DMD: variants seen among roughly 807,000 people sequenced by gnomAD.
DMD encodes mutant dystrophin.
DMD carries 63 observed loss-of-function variants against 330.1 expected under a neutral mutation model. The observed-to-expected ratio is 0.19, with a 90% CI of 0.16 to 0.24. DMD has a LOEUF of 0.24. DMD is among the 10% of genes least tolerant of loss of function. The pLI is 1.00. For missense variants in DMD, 3,344 were observed against 2,684.1 expected, an observed-to-expected ratio of 1.25 and a Z score of -5.43; for synonymous variants, 1,223 against 959.8, an observed-to-expected ratio of 1.27 and a Z score of -5.07.
chrX:33,039,636 T>C (rs1045815116), intron 1 of DMD, among the ~76,000 whole-genome samples: 2 of 111,741 alleles, frequency 1.8e-5, no homozygotes, highest in African/African-American at 6.5e-5. Context: ...TTAAATTCAA[T>C]TTTTAAAATA....
intron 49 of DMD, among the ~76,000 whole-genome samples, chrX:31,833,343 G>GAA (rs1741588695): frequency 1.4e-5 from 1 of 74,024 alleles, no homozygotes; most frequent in African/African-American, 5.4e-5. Flanking sequence ...GGAGAGAGTG[G>GAA]AGAGGGAGGG....
At chrX:33,229,318 T>C (rs1198331948) in intron 1 of DMD, among the ~76,000 whole-genome samples, 1 of 111,514 alleles carries the variant, frequency 9.0e-6, no homozygotes, top group Admixed American at 9.6e-5. Flanking sequence ...TTTTCTAAAA[T>C]ATTTGTAGTT....
At chrX:33,196,497 C>G (rs940159327) in intron 1 of DMD, among the ~76,000 whole-genome samples, 1 of 111,526 alleles carries the variant, frequency 9.0e-6, no homozygotes, top group Non-Finnish European at 1.9e-5. Flanking sequence ...AGATTGAAAG[C>G]AAGGAGATCA....
intron 54 of DMD, among the ~76,000 whole-genome samples, chrX:31,657,605 T>G (rs1214910055): frequency 8.9e-6 from 1 of 111,847 alleles, no homozygotes; most frequent in Non-Finnish European, 1.9e-5. Flanking sequence ...CAGCTATAAC[T>G]CTATCATGAA....
At chrX:31,178,908 A>G (rs2040847908) in intron 69 of DMD, 103 bp from the exon 70 acceptor site, 5 of 1,017,422 alleles carry the variant, frequency 4.9e-6, no homozygotes, top group African/African-American at 1.9e-5. Flanking sequence ...GTAATTAAGG[A>G]GAGTGTTGTG....
intron 1 of DMD, among the ~76,000 whole-genome samples, chrX:33,223,019 A>G (rs2052211492): frequency 8.9e-6 from 1 of 112,265 alleles, no homozygotes; most frequent in African/African-American, 3.2e-5. Flanking sequence ...AGCCAAAACA[A>G]CATTGAAGGG....
chrX:33,167,262 T>A (rs2049103949), intron 1 of DMD, among the ~76,000 whole-genome samples: 1 of 111,515 alleles, frequency 9.0e-6, no homozygotes, highest in African/African-American at 3.2e-5. Flanking sequence ...TTTATGCATT[T>A]TAATGTAGGT....
chrX:31,725,962 A>G (rs1011116651), intron 52 of DMD, among the ~76,000 whole-genome samples: 3 of 112,596 alleles, frequency 2.7e-5, no homozygotes, highest in East Asian at 2.8e-4. Context: ...CCTCCAAGGA[A>G]GAAAATTTAA....
chrX:32,971,549 T>G (rs957924722), intron 2 of DMD, among the ~76,000 whole-genome samples: 1 of 111,594 alleles, frequency 9.0e-6, no homozygotes, highest in Admixed American at 9.6e-5. Context: ...TACTCAGTGT[T>G]AGTTCTTAAT....
upstream of DMD, among the ~76,000 whole-genome samples, chrX:33,214,506 CT>C (rs1371372601): frequency 3.6e-5 from 4 of 111,399 alleles, no homozygotes; most frequent in Non-Finnish European, 7.5e-5. Context: ...TCATACTCGG[CT>C]TTTTTACACA....
At chrX:33,285,745 T>C (rs1290063851) in intron 1 of DMD, among the ~76,000 whole-genome samples, 48 of 112,014 alleles carry the variant, frequency 4.3e-4, no homozygotes. Flanking sequence ...CCTAAAATAC[T>C]TTACCTGAGA....
chrX:33,122,714 C>T (rs2095432492), intron 1 of DMD, among the ~76,000 whole-genome samples: 1 of 111,790 alleles, frequency 8.9e-6, no homozygotes, highest in African/African-American at 3.3e-5. Flanking sequence ...TAGAGTGAAG[C>T]GAAGTACAAC....
At chrX:32,193,356 C>T (rs764183890) in intron 44 of DMD, among the ~76,000 whole-genome samples, 1 of 112,116 alleles carries the variant, frequency 8.9e-6, no homozygotes, top group African/African-American at 3.2e-5. Context: ...ATATTTTGAA[C>T]ATTAAGAAAA....
At chrX:33,055,756 T>C (rs951570196) in intron 1 of DMD, among the ~76,000 whole-genome samples, 1 of 111,636 alleles carries the variant, frequency 9.0e-6, no homozygotes, top group Non-Finnish European at 1.9e-5. Context: ...TTTTATAGTC[T>C]GACAAATTTG....
chrX:32,584,775 AT>A (rs2054039600), intron 13 of DMD, among the ~76,000 whole-genome samples: 2 of 112,185 alleles, frequency 1.8e-5, no homozygotes, highest in South Asian at 7.4e-4. Flanking sequence ...GGAAGAGTTT[AT>A]GATACCATAG....
chrX:32,737,148 GA>G (rs367700434), intron 7 of DMD, among the ~76,000 whole-genome samples: 1 of 109,694 alleles, frequency 9.1e-6, no homozygotes, highest in African/African-American at 3.3e-5. Context: ...AAAGGGGGGG[GA>G]CATAAAATCT....
chrX:33,061,756 T>A (rs1158697218), intron 1 of DMD, among the ~76,000 whole-genome samples: 1 of 111,708 alleles, frequency 9.0e-6, no homozygotes, highest in Non-Finnish European at 1.9e-5. Context: ...CCTGTGTTCC[T>A]TCCAGAGGTG....
At chrX:32,367,314 A>C (rs750054405) in intron 34 of DMD, among the ~76,000 whole-genome samples, 2 of 112,065 alleles carry the variant, frequency 1.8e-5, no homozygotes, top group Non-Finnish European at 3.8e-5. Context: ...ATATCCAAGT[A>C]TGAGTTTGTC....
chrX:31,805,787 TAAG>T (rs1393262349), intron 50 of DMD, among the ~76,000 whole-genome samples: 3 of 112,235 alleles, frequency 2.7e-5, no homozygotes, highest in South Asian at 3.7e-4. Context: ...CTGCTGATGA[TAAG>T]AAATATTTTT....
Sources: gnomAD v4.1 joint callset for allele counts (sites outside exome capture counted in the v4.1 genomes callset) on GRCh38, gnomAD v4.1.1 for gene constraint, MANE v1.5 for transcripts, NCBI Gene and HGNC (gene_info 2026-07-23, HGNC 2026-07-21) for gene names.